NAV3: variants seen among roughly 807,000 people sequenced by gnomAD.
NAV3 encodes the protein pore membrane and/or filament interacting like protein 1.
A neutral mutation model predicts 244.7 loss-of-function variants in NAV3; 87 were observed. The observed-to-expected ratio is 0.36, with a 90% CI of 0.30 to 0.42. NAV3 has a LOEUF of 0.42. Among genes scored for constraint, NAV3 ranks in the 20% least tolerant of loss-of-function variants. The pLI is 1.00. For missense variants in NAV3, 2,663 were observed against 2,893.3 expected (o/e 0.92, Z 1.83); for synonymous variants, 1,126 against 1,042.2 (o/e 1.08, Z -1.55).
At chr12:77,913,138 T>C (rs1886781726) in intron 1 of NAV3, among the ~76,000 whole-genome samples, 1 of 152,052 alleles carries the variant, frequency 6.6e-6, no homozygotes, top group African/African-American at 2.4e-5. Context: ...ACATGGTCTA[T>C]ATGGTTTTGT....
chr12:77,618,973 T>G (rs1394188698), intron 2 of NAV3, among the ~76,000 whole-genome samples: 1 of 152,222 alleles, frequency 6.6e-6, no homozygotes, highest in Non-Finnish European at 1.5e-5. Flanking sequence ...AAAATATAGC[T>G]TTGAAATCTA....
chr12:78,120,727 A>G (rs560896489), intron 15 of NAV3, among the ~76,000 whole-genome samples: 114 of 152,324 alleles, frequency 7.5e-4, no homozygotes, highest in African/African-American at 2.5e-3. Context: ...GGGGACAAAT[A>G]TCTAAACCTC....
At chr12:77,797,712 G>A (rs993184741) in intron 2 of NAV3, among the ~76,000 whole-genome samples, 5 of 150,922 alleles carry the variant, frequency 3.3e-5, no homozygotes, top group East Asian at 2.0e-4. Flanking sequence ...GTGGTGGTGC[G>A]TGCCTGTAAT....
chr12:78,126,829 A>G (rs201991007), intron 16 of NAV3, among the ~76,000 whole-genome samples: 4 of 152,216 alleles, frequency 2.6e-5, no homozygotes, highest in Non-Finnish European at 5.9e-5. Context: ...ATGTGATATC[A>G]TAGCAAAAGT....
At chr12:77,631,722 T>G (rs1204863650) in intron 2 of NAV3, among the ~76,000 whole-genome samples, 1 of 152,194 alleles carries the variant, frequency 6.6e-6, no homozygotes, top group Non-Finnish European at 1.5e-5. Flanking sequence ...CTTATTAAAT[T>G]GTCAGCATTC....
chr12:77,606,844 C>G (rs754506350), intron 2 of NAV3, among the ~76,000 whole-genome samples: 3 of 152,042 alleles, frequency 2.0e-5, no homozygotes, highest in Non-Finnish European at 1.5e-5. Context: ...TCCCAAACTT[C>G]TAGGAACAGT....
In NAV3 at chr12:77,870,677, G is replaced by A. The variant is rs182419995; in HGVS notation, c.243+38973G>A. Among the ~76,000 whole-genome samples the A allele has an allele frequency of 8.4e-3, 1,275 of 152,202 alleles. 17 individuals are homozygous for A. The highest frequency in any genetic ancestry group is 0.017 in the Middle Eastern group (5 of 294). On this transcript the variant is annotated intron_variant, in intron 1 of 39. Coordinates refer to ENST00000397909, the MANE Select transcript of NAV3 (RefSeq NM_001024383.2). ...AAAGAAAAGGAAGTGAACAGAGTGG[G>A]AAAAAGAGACATGTTCAAGGAGAAT...
At chr12:77,903,642 A>G (rs1017800232) in intron 1 of NAV3, among the ~76,000 whole-genome samples, 67 of 152,342 alleles carry the variant, frequency 4.4e-4, no homozygotes, top group South Asian at 1.7e-3. Context: ...AAATTGACAA[A>G]TGGGACCTAA....
chr12:78,093,059 A>G (rs1227115345), intron 12 of NAV3, among the ~76,000 whole-genome samples: 1 of 152,194 alleles, frequency 6.6e-6, no homozygotes, highest in Admixed American at 6.5e-5. Context: ...TGCTCTGTTC[A>G]TCTTTATAAG....
At chr12:77,894,503 C>A (rs1395284086) in intron 1 of NAV3, among the ~76,000 whole-genome samples, 1 of 151,940 alleles carries the variant, frequency 6.6e-6, no homozygotes, top group Admixed American at 6.5e-5. Flanking sequence ...CCCATAATAA[C>A]AACATGAGAG....
intron 34 of NAV3, among the ~76,000 whole-genome samples, chr12:78,196,984 G>A (rs1959183528): frequency 6.6e-6 from 1 of 151,846 alleles, no homozygotes; most frequent in African/African-American, 2.4e-5. Context: ...ATGCCGTCAT[G>A]TTTATACTTT....
At chr12:78,050,127 G>C in intron 10 of NAV3, 26 bp downstream of exon 10, 1 of 1,490,986 alleles carries the variant, frequency 6.7e-7, no homozygotes, top group Admixed American at 1.9e-5. Context: ...GCATATATTT[G>C]AGCCAATAAA....
chr12:78,175,864 G>A (rs901546491), intron 25 of NAV3, among the ~76,000 whole-genome samples: 1 of 151,872 alleles, frequency 6.6e-6, no homozygotes, highest in Non-Finnish European at 1.5e-5. Flanking sequence ...TGGGCATAGA[G>A]ATGAAGGAAA....
chr12:77,612,699 C>T (rs1479920801), intron 2 of NAV3, among the ~76,000 whole-genome samples: 1 of 152,106 alleles, frequency 6.6e-6, no homozygotes, highest in Non-Finnish European at 1.5e-5. Flanking sequence ...CAGAAGGATT[C>T]TCATAAACTG....
At chr12:77,708,119 A>C (rs568516007) in intron 2 of NAV3, among the ~76,000 whole-genome samples, 110 of 152,218 alleles carry the variant, frequency 7.2e-4, no homozygotes, top group Admixed American at 1.3e-3. Context: ...TGTTTCAGAC[A>C]TGAAGTCCTT....
intron 12 of NAV3, among the ~76,000 whole-genome samples, chr12:78,084,522 A>T (rs183448471): frequency 6.6e-6 from 1 of 152,184 alleles, no homozygotes. Context: ...TTCACTATAA[A>T]CAAAGTAGAC....
At chr12:77,622,533 G>GA (rs1489704563) in intron 2 of NAV3, among the ~76,000 whole-genome samples, 24 of 123,708 alleles carry the variant, frequency 1.9e-4, no homozygotes, top group African/African-American at 7.3e-4. Flanking sequence ...CATCCATATG[G>GA]ATTTTTTTTT....
chr12:77,763,058 T>C (rs1193426970), intron 2 of NAV3, among the ~76,000 whole-genome samples: 2 of 152,206 alleles, frequency 1.3e-5, no homozygotes, highest in African/African-American at 4.8e-5. Flanking sequence ...TTTCCAACCA[T>C]ATCTTGAACT....
intron 2 of NAV3, among the ~76,000 whole-genome samples, chr12:77,714,338 A>ATTT (rs1269460567): frequency 6.6e-6 from 1 of 152,024 alleles, no homozygotes; most frequent in African/African-American, 2.4e-5. Context: ...AGTTCAGGCT[A>ATTT]TTTTTTTATT....
Sources: allele counts gnomAD v4.1 joint callset (sites outside exome capture counted in the v4.1 genomes callset), GRCh38; gene constraint gnomAD v4.1.1; transcripts MANE v1.5; gene names NCBI Gene and HGNC (gene_info 2026-07-23, HGNC 2026-07-21).